The following KLF13 variants were observed in gnomAD, a reference collection of about 807,000 sequenced individuals.
KLF13 encodes Krueppel-like factor 13.
KLF13 carries 8 observed loss-of-function variants against 16.7 expected under a neutral mutation model. That is an observed-to-expected ratio of 0.48 (90% CI 0.28 to 0.87). The LOEUF is 0.87. Among genes scored for constraint, KLF13 ranks in the 40% least tolerant of loss-of-function variants. The probability of loss-of-function intolerance (pLI) is 0.10; values close to 1 mark genes in which losing one functional copy is unlikely to be tolerated. For missense variants in KLF13, 447 were observed against 452.2 expected (o/e 0.99, Z 0.10); for synonymous variants, 245 against 208.4 (o/e 1.18, Z -1.51).
chr15:31,379,106 A>T (rs2039692353), downstream of KLF13, among the ~76,000 whole-genome samples: 1 of 152,174 alleles, frequency 6.6e-6, no homozygotes, highest in Non-Finnish European at 1.5e-5. Context: ...TTGATTAGAC[A>T]TGGTTTTTCC....
At chr15:31,401,523 G>C (rs1226068852) in intron 2 of KLF13, among the ~76,000 whole-genome samples, 1 of 152,196 alleles carries the variant, frequency 6.6e-6, no homozygotes, top group African/African-American at 2.4e-5. Flanking sequence ...CCGCCCTCTG[G>C]GCACAGGGCC....
At position 31,373,551 on chromosome 15, in the gene KLF13, T is replaced by A. The variant is rs1399627649; in HGVS notation, c.*1252T>A. On this transcript the variant is annotated 3_prime_UTR_variant, in exon 2 of 2. Coordinates refer to ENST00000307145, the MANE Select transcript of KLF13 (RefSeq NM_015995.4). Reference sequence around the variant, plus strand: ...AGCCTCTCCGTTTCCCCTGGACTCCTCCTCCCTTTTCCTCCTGCTTCTCCT... The same window carrying A: ...AGCCTCTCCGTTTCCCCTGGACTCCACCTCCCTTTTCCTCCTGCTTCTCCT... 1 of 152,340 alleles carries A rather than the reference T, an allele frequency of 6.6e-6. No homozygotes were observed. Among genetic ancestry groups the A allele is most frequent in the Non-Finnish European group, 1.5e-5 (1 of 68,104 alleles). 9.4% of individuals were successfully genotyped at this position (152,340 alleles called of 1,614,324 possible).
intron 1 of KLF13, among the ~76,000 whole-genome samples, chr15:31,421,015 C>T (rs2040316141): frequency 6.6e-6 from 1 of 152,058 alleles, no homozygotes. Context: ...TTTGTGTTGC[C>T]TTTTTAAGTT....
At chr15:31,329,492 C>T (rs2038788418) in intron 1 of KLF13, among the ~76,000 whole-genome samples, 1 of 151,834 alleles carries the variant, frequency 6.6e-6, no homozygotes, top group South Asian at 2.1e-4. Flanking sequence ...GGGGGGTGGC[C>T]GAGGGGAGGG....
At chr15:31,406,170 A>G (rs2040126615), downstream of KLF13, among the ~76,000 whole-genome samples, 1 of 152,234 alleles carries the variant, frequency 6.6e-6, no homozygotes, top group African/African-American at 2.4e-5. Flanking sequence ...GCATAGCATC[A>G]ATCCAGGGTG....
intron 1 of KLF13, among the ~76,000 whole-genome samples, chr15:31,344,882 G>A (rs963531852): frequency 1.3e-5 from 2 of 152,188 alleles, no homozygotes; most frequent in Non-Finnish European, 2.9e-5. Context: ...CCGCCTGAGT[G>A]GGGAGGGAGG....
In KLF13 at chr15:31,350,007, C is replaced by T. The variant is rs78334447; in HGVS notation, c.578-22003C>T. Among the ~76,000 whole-genome samples the T allele has an allele frequency of 2.5e-3, 375 of 152,296 alleles. 1 individual carries two copies. Among genetic ancestry groups the T allele is most frequent in the East Asian group, 0.024 (125 of 5,180 alleles). On this transcript the variant is annotated intron_variant, in intron 1 of 1. Coordinates refer to ENST00000307145, the MANE Select transcript of KLF13 (RefSeq NM_015995.4). Reference sequence around the variant, plus strand: ...GTCCTCAGAGTAGCCTAGCCTTTGCCGAATTTGTGCTTCATGGGATGAATC... The same window carrying T: ...GTCCTCAGAGTAGCCTAGCCTTTGCTGAATTTGTGCTTCATGGGATGAATC...
At chr15:31,330,695 C>T (rs1595448720) in intron 1 of KLF13, among the ~76,000 whole-genome samples, 1 of 152,228 alleles carries the variant, frequency 6.6e-6, no homozygotes, top group Admixed American at 6.5e-5. Flanking sequence ...TTTCCCACTC[C>T]CACTCTTCCA....
intron 1 of KLF13, among the ~76,000 whole-genome samples, chr15:31,353,111 G>C (rs568488080): frequency 6.6e-6 from 1 of 152,108 alleles, no homozygotes; most frequent in African/African-American, 2.4e-5. Context: ...TGGGCTCAAG[G>C]GTGGCTCCAC....
intron 1 of KLF13, among the ~76,000 whole-genome samples, chr15:31,335,157 G>A (rs902667475): frequency 2.6e-5 from 4 of 152,136 alleles, no homozygotes; most frequent in African/African-American, 9.7e-5. Context: ...GAACATAGTG[G>A]CTATGTGGAA....
At chr15:31,358,830 G>T (rs2140954548) in intron 1 of KLF13, among the ~76,000 whole-genome samples, 1 of 152,346 alleles carries the variant, frequency 6.6e-6, no homozygotes, top group Middle Eastern at 3.4e-3. Context: ...TACGCAAGCA[G>T]TCACATTGCC....
chr15:31,362,508 G>A (rs758933917), intron 1 of KLF13, among the ~76,000 whole-genome samples: 2 of 152,220 alleles, frequency 1.3e-5, no homozygotes, highest in Admixed American at 6.5e-5. Flanking sequence ...TTGAAATAGG[G>A]AATACAGAAT....
intron 1 of KLF13, among the ~76,000 whole-genome samples, chr15:31,386,507 AAG>A (rs1484795498): frequency 6.6e-6 from 1 of 152,236 alleles, no homozygotes; most frequent in Non-Finnish European, 1.5e-5. Flanking sequence ...CTTAAAAAAA[AAG>A]AAAAGAAAAA....
chr15:31,358,975 G>T (rs1595470665), intron 1 of KLF13, among the ~76,000 whole-genome samples: 1 of 152,242 alleles, frequency 6.6e-6, no homozygotes, highest in Non-Finnish European at 1.5e-5. Flanking sequence ...GCTCAGGGAA[G>T]ATGCTTCTGG....
intron 1 of KLF13, among the ~76,000 whole-genome samples, chr15:31,409,749 C>CA (rs1224648770): frequency 2.0e-5 from 3 of 152,130 alleles, no homozygotes; most frequent in South Asian, 2.1e-4. Flanking sequence ...TACAGAAAGA[C>CA]AAAACTGTCA....
chr15:31,329,753 T>A (rs903759753), intron 1 of KLF13, among the ~76,000 whole-genome samples: 1 of 152,226 alleles, frequency 6.6e-6, no homozygotes, highest in Non-Finnish European at 1.5e-5. Context: ...CAGTGCTCGT[T>A]CTTGAAGCAG....
intron 1 of KLF13, among the ~76,000 whole-genome samples, chr15:31,330,536 A>T (rs2140928818): frequency 6.6e-6 from 1 of 152,316 alleles, no homozygotes; most frequent in Non-Finnish European, 1.5e-5. Context: ...CAAGTATGTG[A>T]AGACCCTTTG....
intron 1 of KLF13, among the ~76,000 whole-genome samples, chr15:31,359,283 A>C (rs1426282121): frequency 2.0e-5 from 3 of 152,156 alleles, no homozygotes; most frequent in Non-Finnish European, 4.4e-5. Flanking sequence ...TTGGTATTCT[A>C]TTATTTCTGT....
In KLF13 at chr15:31,340,016, AT is replaced by A. The variant is rs758357733; in HGVS notation, c.577+12231del. 14 of 702,222 alleles carry A rather than the reference AT, an allele frequency of 2.0e-5. No homozygotes were observed. The South Asian group carries it at 2.1e-4, about 10-fold the overall frequency. 43.5% of individuals were successfully genotyped at this position (702,222 alleles called of 1,614,324 possible). A position where few individuals can be genotyped will look rare whatever the true frequency, so the allele number is the denominator to read the frequency against. On this transcript the variant is annotated intron_variant, in intron 1 of 1. Coordinates refer to ENST00000307145, the MANE Select transcript of KLF13 (RefSeq NM_015995.4). The stretch of plus-strand genomic sequence containing the variant: ...AGGATCCAGGGAAGTGGCTTTGTTT[AT>A]TTTACTGTCAGTAGGGCTGACCCAG...
Sources: allele counts gnomAD v4.1 joint callset (sites outside exome capture counted in the v4.1 genomes callset), GRCh38; gene constraint gnomAD v4.1.1; transcripts MANE v1.5; gene names NCBI Gene and HGNC (gene_info 2026-07-23, HGNC 2026-07-21).